TSHZ2: variants seen among roughly 807,000 people sequenced by gnomAD.
The protein encoded by TSHZ2 is teashirt homolog 2.
A neutral mutation model predicts 74.4 loss-of-function variants in TSHZ2; 21 were observed. The observed-to-expected ratio is 0.28, with a 90% CI of 0.20 to 0.41. The LOEUF is 0.41. TSHZ2 is among the 10% of genes least tolerant of loss of function. The probability of loss-of-function intolerance (pLI) is 1.00; values close to 1 mark genes in which losing one functional copy is unlikely to be tolerated. For synonymous variants in TSHZ2, 540 were observed against 515.3 expected (o/e 1.05, Z -0.65); for missense variants, 1,244 against 1,293.5 (o/e 0.96, Z 0.59).
Position 53,463,380 on chromosome 20 carries a change from GAGGAAGGAAGGAAGGA to G in TSHZ2, c.*9-23723_*9-23708del, listed in dbSNP as rs3042220. Among the ~76,000 whole-genome samples the G allele has an allele frequency of 6.0e-3, 412 of 68,632 alleles. 3 individuals carry two copies. The highest frequency in any genetic ancestry group is 0.014 in the African/African-American group (217 of 16,066). 45.0% of individuals were successfully genotyped at this position (68,632 alleles called of 152,430 possible). A position where few individuals can be genotyped will look rare whatever the true frequency, so the allele number is the denominator to read the frequency against. On this transcript the variant is annotated intron_variant, in intron 2 of 2. Transcript: ENST00000371497. ...CCCTGTCTTGAAAGACAGAGAGAGA[GAGGAAGGAAGGAAGGA>G]AGGAAGGAAGGAAGGAAGGAAGGAA... is the stretch of plus-strand genomic sequence containing the variant.
chr20:53,154,106 G>T (rs1010167093), intron 1 of TSHZ2, among the ~76,000 whole-genome samples: 1 of 152,172 alleles, frequency 6.6e-6, no homozygotes, highest in South Asian at 2.1e-4. Flanking sequence ...ACAGAGCTTC[G>T]CAGTCACATG....
chr20:53,248,041 G>A (rs1990244959), intron 1 of TSHZ2, among the ~76,000 whole-genome samples: 1 of 152,106 alleles, frequency 6.6e-6, no homozygotes, highest in African/African-American at 2.4e-5. Flanking sequence ...AATTGAGGTG[G>A]TATAGTTTTA....
intron 1 of TSHZ2, among the ~76,000 whole-genome samples, chr20:53,146,592 C>T (rs1328971661): frequency 1.3e-5 from 2 of 152,130 alleles, no homozygotes; most frequent in South Asian, 2.1e-4. Flanking sequence ...GTATAGTTTT[C>T]GTGGTTTTAT....
intron 1 of TSHZ2, among the ~76,000 whole-genome samples, chr20:53,027,869 A>G (rs1361909211): frequency 6.6e-6 from 1 of 152,140 alleles, no homozygotes; most frequent in Non-Finnish European, 1.5e-5. Flanking sequence ...TAAGGAGAGG[A>G]GAGGGTGGTT....
At chr20:53,031,848 A>G (rs1378675092) in intron 1 of TSHZ2, among the ~76,000 whole-genome samples, 4 of 152,080 alleles carry the variant, frequency 2.6e-5, no homozygotes, top group African/African-American at 9.7e-5. Flanking sequence ...CATTTCTGAA[A>G]ATAGTCTCAG....
At chr20:53,316,605 G>C (rs1336975428) in intron 2 of TSHZ2, among the ~76,000 whole-genome samples, 5 of 151,312 alleles carry the variant, frequency 3.3e-5, no homozygotes, top group Admixed American at 3.3e-4. Context: ...AAAAAAAAAG[G>C]ATGTACACTG....
intron 2 of TSHZ2, among the ~76,000 whole-genome samples, chr20:53,257,851 C>T (rs1046694113): frequency 2.6e-5 from 4 of 152,166 alleles, no homozygotes; most frequent in African/African-American, 9.7e-5. Flanking sequence ...TATAATCGCT[C>T]ACCACACCCT....
intron 2 of TSHZ2, chr20:53,400,326 A>C (rs1203305171): frequency 6.6e-6 from 1 of 152,216 alleles, no homozygotes; most frequent in African/African-American, 2.4e-5. Context: ...ATTGTAACTA[A>C]GCCTCTGAGA....
intron 2 of TSHZ2, among the ~76,000 whole-genome samples, chr20:53,484,531 G>A (rs777447691): frequency 1.3e-4 from 19 of 151,822 alleles, no homozygotes; most frequent in Admixed American, 2.0e-4. Context: ...AATTTCAGAG[G>A]TGCACCACCA....
chr20:53,276,533 G>A (rs1465785753), intron 2 of TSHZ2, among the ~76,000 whole-genome samples: 2 of 152,138 alleles, frequency 1.3e-5, no homozygotes, highest in African/African-American at 2.4e-5. Flanking sequence ...ATATTCTAAC[G>A]CTCTCAGACA....
intron 2 of TSHZ2, among the ~76,000 whole-genome samples, chr20:53,330,050 C>T (rs1252963492): frequency 2.0e-5 from 3 of 152,218 alleles, no homozygotes; most frequent in African/African-American, 7.2e-5. Flanking sequence ...GATACAATGG[C>T]AGAGTTACAG....
intron 2 of TSHZ2, among the ~76,000 whole-genome samples, chr20:53,264,532 G>C (rs1333943339): frequency 6.6e-6 from 1 of 152,176 alleles, no homozygotes; most frequent in Admixed American, 6.5e-5. Flanking sequence ...ACAAAGAGTG[G>C]AATCTTCTTG....
intron 2 of TSHZ2, among the ~76,000 whole-genome samples, chr20:53,298,145 C>T (rs1991415555): frequency 6.6e-6 from 1 of 152,144 alleles, no homozygotes; most frequent in Admixed American, 6.5e-5. Context: ...ATTAGAAAAA[C>T]ACTCATGCAT....
At chr20:53,366,579 G>A (rs1055579119) in intron 2 of TSHZ2, among the ~76,000 whole-genome samples, 2 of 151,986 alleles carry the variant, frequency 1.3e-5, no homozygotes, top group Admixed American at 6.6e-5. Context: ...TGTTCTCTTC[G>A]CCCAACGCAG....
At chr20:53,175,205 G>A (rs1391328925) in intron 1 of TSHZ2, among the ~76,000 whole-genome samples, 2 of 130,280 alleles carry the variant, frequency 1.5e-5, no homozygotes, top group African/African-American at 5.9e-5. Context: ...GCAATAGCAC[G>A]ATCTCGGCTT....
intron 2 of TSHZ2, among the ~76,000 whole-genome samples, chr20:53,435,989 T>G (rs2145743126): frequency 6.6e-6 from 1 of 152,372 alleles, no homozygotes; most frequent in East Asian, 1.9e-4. Flanking sequence ...AGAAAAGCAC[T>G]GAGCACAGTG....
At chr20:53,012,024 C>G (rs1982870534) in intron 1 of TSHZ2, among the ~76,000 whole-genome samples, 1 of 152,150 alleles carries the variant, frequency 6.6e-6, no homozygotes, top group African/African-American at 2.4e-5. Context: ...AGTGATACAG[C>G]TGGGATTTGA....
intron 2 of TSHZ2, among the ~76,000 whole-genome samples, chr20:53,344,922 A>T (rs924157273): frequency 7.9e-5 from 12 of 152,214 alleles, no homozygotes; most frequent in Non-Finnish European, 1.5e-4. Context: ...TGTGTAAAAA[A>T]ATAAAATACG....
intron 1 of TSHZ2, among the ~76,000 whole-genome samples, chr20:53,211,359 C>T (rs1989299712): frequency 6.6e-6 from 1 of 152,142 alleles, no homozygotes; most frequent in African/African-American, 2.4e-5. Flanking sequence ...CACTCAGGGT[C>T]CCTGGCTCCA....
Sources: allele counts gnomAD v4.1 joint callset (sites outside exome capture counted in the v4.1 genomes callset), GRCh38; gene constraint gnomAD v4.1.1; transcripts MANE v1.5; gene names NCBI Gene and HGNC (gene_info 2026-07-23, HGNC 2026-07-21).